The following PODN variants were observed in gnomAD, a reference collection of about 807,000 sequenced individuals.
The protein encoded by PODN is podocan, also known as podocan proteoglycan.
In PODN, 40 loss-of-function variants were observed where a neutral mutation model predicts 52.7. The observed-to-expected ratio is 0.76, with a 90% confidence interval of 0.59 to 0.99. PODN has a LOEUF of 0.99. Ranked by LOEUF, PODN falls within the 50% of genes least tolerant of loss-of-function variation. The probability of loss-of-function intolerance (pLI) is 0.00; values close to 1 mark genes in which losing one functional copy is unlikely to be tolerated. For synonymous variants in PODN, 396 were observed against 377.9 expected (o/e 1.05, Z -0.56); for missense variants, 720 against 815.1 (o/e 0.88, Z 1.42).
intron 1 of PODN, among the ~76,000 whole-genome samples, chr1:53,066,026 C>T (rs12081696): frequency 0.06 from 7,522 of 126,108 alleles, 248 homozygotes; most frequent in Middle Eastern, 0.14. Context: ...GAGACGGTCT[C>T]ACTCTGTTAC....
At chr1:53,066,890 A>C in intron 1 of PODN, 1 of 1,542,942 alleles carries the variant, frequency 6.5e-7, no homozygotes, top group Non-Finnish European at 8.8e-7. Flanking sequence ...GATATGTGAG[A>C]CCAGAGCTCC....
rs1644303488 is a variant in PODN, at chr1:53,082,047, C to T, written c.1728C>T (p.Val576=). 3.1e-6 allele frequency: 5 copies of T among 1,613,646 alleles called. No homozygotes were observed. Among genetic ancestry groups the T allele is most frequent in the Non-Finnish European group, 4.2e-6 (5 of 1,179,902 alleles). The change falls in exon 10 of 11, where the codon GTC becomes GTT. Residue 576 remains valine (V), a synonymous_variant. Transcript: ENST00000312553. Reference sequence around the variant, plus strand: ...TCCGGAGGCTGAAGCACCTGCAGGTCTTGGACATTGAAGGCAACTTAGAGT... The same window carrying T: ...TCCGGAGGCTGAAGCACCTGCAGGTTTTGGACATTGAAGGCAACTTAGAGT... ...SAFRRLKHLQ[V]LDIEGNLEFG...
intron 10 of PODN, among the ~76,000 whole-genome samples, chr1:53,084,026 T>C (rs1644329406): frequency 6.6e-6 from 1 of 151,858 alleles, no homozygotes; most frequent in African/African-American, 2.4e-5. Flanking sequence ...AGGGCGCAAG[T>C]TGATGGTGAG....
At chr1:53,075,992 A>G (rs1406425333) in intron 5 of PODN, 21 bp downstream of exon 5, 3 of 1,543,774 alleles carry the variant, frequency 1.9e-6, no homozygotes, top group African/African-American at 1.4e-5. Context: ...GGGGGTGGTC[A>G]GGGCTCGGGC....
At chr1:53,076,181 C>T (rs1342274673) in intron 5 of PODN, among the ~76,000 whole-genome samples, 5 of 152,202 alleles carry the variant, frequency 3.3e-5, no homozygotes, top group African/African-American at 1.2e-4. Context: ...TTGTGGTGAA[C>T]CAGTGAGGAT....
chr1:53,082,281 C>T, intron 10 of PODN, 93 bp downstream of exon 10: 1 of 1,378,622 alleles, frequency 7.3e-7, no homozygotes, highest in Non-Finnish European at 9.4e-7. Flanking sequence ...ATTCTTCACC[C>T]TCTCGCCTCT....
Position 53,082,188 on chromosome 1 carries a change from G to T in PODN, c.*27G>T. On this transcript the variant is annotated splice_region_variant and 3_prime_UTR_variant, in exon 10 of 11. Transcript: ENST00000312553. ...GACAAGGTGATGCAGATGTGACCTA[G>T]GTATGTGGCCTGTATGGGGCAGCAC... 1 of 1,564,200 alleles carries T rather than the reference G, an allele frequency of 6.4e-7. No homozygotes were observed. Among genetic ancestry groups the T allele is most frequent in the South Asian group, 1.2e-5 (1 of 82,814 alleles).
rs141679025 is a variant in PODN at position 53,078,888 on chromosome 1, C to G, written c.1378C>G (p.Arg460Gly). Residue 460 changes from arginine (R) to glycine (G), a missense_variant, in exon 8 of 11, where the codon CGC becomes GGC. By Grantham distance (125) the Arg-to-Gly change is moderately radical. Transcript: ENST00000312553. ...PRNVHVLKVK[R>G]NELAALARGA... ...AAATGTCCATGTGCTGAAGGTCAAG[C>G]GCAATGAGCTGGCTGCCTTGGCACG... is the stretch of plus-strand genomic sequence containing the variant. 1.9e-6 allele frequency: 3 copies of G among 1,611,090 alleles called. No homozygotes were observed. The highest frequency in any genetic ancestry group is 2.7e-5 in the African/African-American group (2 of 74,884).
At position 53,062,258 on chromosome 1, in the gene PODN, G is replaced by T. The variant is rs545143958; in HGVS notation, c.-106G>T. 1.0e-5 allele frequency: 13 copies of T among 1,273,840 alleles called. No homozygotes were observed. The highest frequency in any genetic ancestry group is 3.8e-5 in the Admixed American group (1 of 26,072). 78.9% of individuals were successfully genotyped at this position (1,273,840 alleles called of 1,614,324 possible). ...GAGCCCGCGGAGCGCAGCTGAGACT[G>T]GGGGAGCGCGTTCGGCCTGTGGGGC... On this transcript the variant is annotated 5_prime_UTR_variant, in exon 1 of 11. Transcript: ENST00000312553.
chr1:53,080,762 TC>T lies in PODN; in HGVS notation c.1551del (p.Glu518ArgfsTer54), dbSNP rs1557658392. 6.2e-7 allele frequency: 1 copy of T among 1,614,062 alleles called. No homozygotes were observed. Among genetic ancestry groups the T allele is most frequent in the South Asian group, 1.1e-5 (1 of 91,076 alleles). Reference protein sequence around the residue: ...LDIAGNQLTEIPEGLPESLEY... With the variant: ...LDIAGNQLTEXPEGLPESLEY... ...ATCGCCGGGAATCAGCTCACAGAGATCCCCGAGGGGCTCCCCGAGTCACTTG... is the reference window on the plus strand; with the variant it reads ...ATCGCCGGGAATCAGCTCACAGAGATCCCGAGGGGCTCCCCGAGTCACTTG... On this transcript the variant is annotated frameshift_variant, in exon 9 of 11. Coordinates refer to ENST00000312553, the MANE Select transcript of PODN (RefSeq NM_153703.5). LOFTEE classifies it high-confidence loss of function.
Position 53,069,950 on chromosome 1 carries a change from G to A in PODN, c.95G>A (p.Arg32Gln), listed in dbSNP as rs1267752268. 9 of 1,596,830 alleles carry A rather than the reference G, an allele frequency of 5.6e-6. No individual in the cohort carries two copies. Among genetic ancestry groups the A allele is most frequent in the South Asian group, 5.6e-5 (5 of 89,134 alleles). Residue 32 changes from arginine to glutamine, a missense_variant, in exon 2 of 11, where the codon CGA becomes CAA. By Grantham distance (43) the Arg-to-Gln change is conservative (BLOSUM62 1). Coordinates refer to ENST00000312553, the MANE Select transcript of PODN (RefSeq NM_153703.5). ...VLAVRAPGFG[R>Q]SGGHSLSPEE... is the part of the protein sequence containing the mutation. ...GCCGTGAGGGCCCCAGGATTTGGCCGAAGTGGCGGCCACAGCCTGAGCCCC... is the reference window on the plus strand; with the variant it reads ...GCCGTGAGGGCCCCAGGATTTGGCCAAAGTGGCGGCCACAGCCTGAGCCCC...
In PODN at chr1:53,077,227, G is replaced by A. The variant is rs1027781038; in HGVS notation, c.619G>A (p.Gly207Arg). 20 of 1,613,302 alleles carry A rather than the reference G, an allele frequency of 1.2e-5. No homozygotes were observed. The highest frequency in any genetic ancestry group is 2.2e-5 in the East Asian group (1 of 44,888). The change falls in exon 6 of 11, where the codon GGG becomes AGG. Residue 207 changes from glycine (G) to arginine (R), a missense_variant. Transcript: ENST00000312553. Reference sequence around the variant, plus strand: ...GCACAACAACAAGCTGGCAGACGCCGGGCTGCCGGACAACATGTTCAACGG... The same window carrying A: ...GCACAACAACAAGCTGGCAGACGCCAGGCTGCCGGACAACATGTTCAACGG... ...YLHNNKLADA[G>R]LPDNMFNGSS...
Position 53,075,863 on chromosome 1 carries a change from T to C in PODN, c.473T>C (p.Leu158Pro), listed in dbSNP as rs1397961277. Residue 158 changes from leucine (L) to proline (P), a missense_variant and splice_region_variant, in exon 5 of 11, where the codon CTG becomes CCG. Coordinates refer to ENST00000312553, the MANE Select transcript of PODN (RefSeq NM_153703.5). The part of the protein sequence containing the change: ...LNYLYLANNK[L>P]TLAPRFLPNA... ...CGGCCCCAACTCTTCCCTTCCCAGCTGACCTTGGCACCCCGCTTCCTGCCA... is the reference window on the plus strand; with the variant it reads ...CGGCCCCAACTCTTCCCTTCCCAGCCGACCTTGGCACCCCGCTTCCTGCCA... 5 of 1,593,888 alleles carry C rather than the reference T, an allele frequency of 3.1e-6. No homozygotes were observed. The highest frequency in any genetic ancestry group is 4.3e-6 in the Non-Finnish European group (5 of 1,168,070).
At chr1:53,072,782 C>G (rs941832217) in intron 3 of PODN, among the ~76,000 whole-genome samples, 2 of 152,192 alleles carry the variant, frequency 1.3e-5, no homozygotes, top group African/African-American at 4.8e-5. Flanking sequence ...CTAACTAGGC[C>G]GGGCGCGGTG....
At chr1:53,065,260 G>A (rs775531565) in intron 1 of PODN, among the ~76,000 whole-genome samples, 2 of 152,182 alleles carry the variant, frequency 1.3e-5, no homozygotes, top group Non-Finnish European at 2.9e-5. Context: ...GGAGGCTGAG[G>A]TGGGAGGATC....
At chr1:53,077,447 T>C (rs1256757121) in intron 6 of PODN, 101 bp downstream of exon 6, 2 of 1,507,092 alleles carry the variant, frequency 1.3e-6, no homozygotes, top group Non-Finnish European at 1.8e-6. Flanking sequence ...TGGCCACAGG[T>C]GCTGCCCAAG....
At chr1:53,077,133 A>G (rs903052067) in intron 5 of PODN, 57 bp from the exon 6 acceptor site, 1 of 1,586,498 alleles carries the variant, frequency 6.3e-7, no homozygotes, top group Non-Finnish European at 8.6e-7. Context: ...TCACCAGTTG[A>G]GCTGGCGCAG....
At chr1:53,077,407 G>C in intron 6 of PODN, 61 bp downstream of exon 6, 2 of 1,583,510 alleles carry the variant, frequency 1.3e-6, no homozygotes, top group East Asian at 4.5e-5. Flanking sequence ...ACTGGGGCAG[G>C]GGCCTGCAGG....
chr1:53,070,200 G>T (rs374478481), intron 2 of PODN, 33 bp downstream of exon 2: 7 of 1,597,034 alleles, frequency 4.4e-6, no homozygotes, highest in Non-Finnish European at 5.9e-6. Flanking sequence ...GGTCACGGGG[G>T]CTGTCCCACA....
Sources: gnomAD v4.1 joint callset for allele counts (sites outside exome capture counted in the v4.1 genomes callset) on GRCh38, gnomAD v4.1.1 for gene constraint, MANE v1.5 for transcripts, NCBI Gene and HGNC (gene_info 2026-07-23, HGNC 2026-07-21) for gene names.